ARMC12: variants seen among roughly 807,000 people sequenced by gnomAD.
The protein encoded by ARMC12 is armadillo repeat-containing protein 12.
ARMC12 carries 25 observed loss-of-function variants against 37.4 expected under a neutral mutation model. The ratio of observed to expected loss-of-function variants is 0.67; its 90% CI spans 0.49 to 0.93. The LOEUF (loss-of-function observed/expected upper bound fraction) is 0.93, where lower values mean the gene tolerates loss of function less well. Ranked by LOEUF, ARMC12 falls within the 40% of genes least tolerant of loss-of-function variation. The pLI is 0.00. For synonymous variants in ARMC12, 167 were observed against 176.1 expected (o/e 0.95, Z 0.41); for missense variants, 384 against 426.6 (o/e 0.90, Z 0.88).
At chr6:35,738,855 A>C (rs1344576375) in intron 3 of ARMC12, among the ~76,000 whole-genome samples, 3 of 152,124 alleles carry the variant, frequency 2.0e-5, no homozygotes, top group Admixed American at 6.5e-5. Context: ...GACACTATCC[A>C]TAGTTAGGGC....
Position 35,738,064 on chromosome 6 carries a change from A to T in ARMC12, c.201A>T (p.Ser67=). Residue 67 remains serine (S), a synonymous_variant, in exon 2 of 6, where the codon TCA becomes TCT. Coordinates refer to ENST00000373866, the MANE Select transcript of ARMC12 (RefSeq NM_001286574.2). ...AGCGAGAGCGGCACGGGCGGGACTC[A>T]GGTGAGCTCCGGAGGCTCCTCAACT... is the stretch of plus-strand genomic sequence containing the variant. ...AVERERHGRD[S]GELRRLLNSL... is the part of the protein sequence containing the mutation. 1 of 1,613,908 alleles carries T rather than the reference A, an allele frequency of 6.2e-7. No homozygotes were observed. The highest frequency in any genetic ancestry group is 8.5e-7 in the Non-Finnish European group (1 of 1,179,990).
Position 35,749,029 on chromosome 6 carries a change from C to A in ARMC12, c.*159C>A. The A allele has an allele frequency of 1.5e-6, 1 of 656,410 alleles. No individual in the cohort carries two copies. The highest frequency in any genetic ancestry group is 2.4e-6 in the Non-Finnish European group (1 of 412,390). 40.7% of individuals were successfully genotyped at this position (656,410 alleles called of 1,614,324 possible). A position where few individuals can be genotyped will look rare whatever the true frequency, so the allele number is the denominator to read the frequency against. On this transcript the variant is annotated 3_prime_UTR_variant, in exon 6 of 6. Transcript: ENST00000373866. The stretch of plus-strand genomic sequence containing the variant: ...CATGGGCTTATCTCTCAAAACACAT[C>A]CCCACTTCTATGTTTGGGGGACTAG...
chr6:35,733,604 G>A (rs1056068984), upstream of ARMC12, among the ~76,000 whole-genome samples: 2 of 152,176 alleles, frequency 1.3e-5, no homozygotes, highest in African/African-American at 4.8e-5. Context: ...CGCCTCCCGG[G>A]TTCAAGCAAT....
chr6:35,733,442 T>G (rs1766881806), upstream of ARMC12, among the ~76,000 whole-genome samples: 1 of 152,194 alleles, frequency 6.6e-6, no homozygotes, highest in Non-Finnish European at 1.5e-5. Context: ...GAAGTAAGTC[T>G]TATTGTTTCT....
At chr6:35,741,254 T>G (rs1471664339) in intron 3 of ARMC12, among the ~76,000 whole-genome samples, 1 of 152,112 alleles carries the variant, frequency 6.6e-6, no homozygotes, top group Non-Finnish European at 1.5e-5. Flanking sequence ...TCGTCTCCCT[T>G]GTGTGCCTGA....
intron 4 of ARMC12, 33 bp downstream of exon 4, chr6:35,747,467 G>C: frequency 6.2e-7 from 1 of 1,613,860 alleles, no homozygotes; most frequent in Non-Finnish European, 8.5e-7. Context: ...GCCCTGCCTT[G>C]CTGACCAGCC....
upstream of ARMC12, among the ~76,000 whole-genome samples, chr6:35,732,591 A>T (rs1395030211): frequency 6.6e-6 from 1 of 151,988 alleles, no homozygotes; most frequent in East Asian, 1.9e-4. Flanking sequence ...CTGCAGCGTC[A>T]CCCTCGGGAA....
At chr6:35,734,454 G>A (rs540905559), upstream of ARMC12, among the ~76,000 whole-genome samples, 6 of 152,270 alleles carry the variant, frequency 3.9e-5, no homozygotes, top group Admixed American at 1.3e-4. Flanking sequence ...GAGCTACCAC[G>A]CCTGACCTAA....
rs1241712136 is a variant in ARMC12 at position 35,747,090 on chromosome 6, T to C, written c.445-171T>C. On this transcript the variant is annotated intron_variant, in intron 3 of 5. Transcript: ENST00000373866. ...AAAAAAAAAAAGCCAAATAAAGAAT[T>C]TCAAGGCAGTGGGAGTGGGCAACTG... is the stretch of plus-strand genomic sequence containing the variant. 2.6e-5 allele frequency among the ~76,000 whole-genome samples: 3 copies of C among 116,272 alleles called. No individual in the cohort carries two copies. The East Asian group carries it at 7.3e-4, about 28-fold the overall frequency. The allele number at this position is 116,272 out of a possible 152,430, so 76.3% of individuals were successfully genotyped here.
intron 3 of ARMC12, 48 bp downstream of exon 3, chr6:35,738,566 T>TA (rs1561920238): frequency 6.3e-7 from 1 of 1,599,270 alleles, no homozygotes; most frequent in Non-Finnish European, 8.5e-7. Context: ...CTATAGTCCT[T>TA]AAGTCCTTTA....
At chr6:35,744,822 A>G (rs888705395) in intron 3 of ARMC12, among the ~76,000 whole-genome samples, 4 of 152,212 alleles carry the variant, frequency 2.6e-5, no homozygotes, top group Non-Finnish European at 1.5e-5. Context: ...ACATGAACAG[A>G]TATTTCACTG....
intron 3 of ARMC12, among the ~76,000 whole-genome samples, chr6:35,740,172 C>T (rs1370247024): frequency 6.6e-6 from 1 of 152,186 alleles, no homozygotes; most frequent in African/African-American, 2.4e-5. Context: ...AGGTTGGTGT[C>T]ATGGCCACGG....
In ARMC12 at chr6:35,737,108, C is replaced by T. The variant is rs575206080; in HGVS notation, c.-1C>T. 175 of 1,613,992 alleles carry T rather than the reference C, an allele frequency of 1.1e-4. 1 individual carries two copies. Among genetic ancestry groups the T allele is most frequent in the Non-Finnish European group, 1.4e-4 (162 of 1,180,006 alleles). ...CCTGGGCCCAGGGCAACACTGAAGA[C>T]ATGGGCAAGAGCATCCCCCAATACC... On this transcript the variant is annotated 5_prime_UTR_variant, in exon 1 of 6. Coordinates refer to ENST00000373866, the MANE Select transcript of ARMC12 (RefSeq NM_001286574.2).
rs1452953403 is a variant in ARMC12, at chr6:35,737,051, GC to G, written c.-52del. 3 of 1,598,518 alleles carry G rather than the reference GC, an allele frequency of 1.9e-6. No individual in the cohort carries two copies. Among genetic ancestry groups the G allele is most frequent in the Non-Finnish European group, 2.6e-6 (3 of 1,170,986 alleles). On this transcript the variant is annotated 5_prime_UTR_variant, in exon 1 of 6. Transcript: ENST00000373866. ...CCTGCCAGAGTTCTGGTTCCGGAAG[GC>G]CCCCCACAGGTGCCTTGGGCCTAGC...
chr6:35,746,558 G>A (rs959784438), intron 3 of ARMC12, among the ~76,000 whole-genome samples: 1 of 152,118 alleles, frequency 6.6e-6, no homozygotes, highest in Non-Finnish European at 1.5e-5. Context: ...ATGGAAGCAG[G>A]GAGACAGGAG....
At chr6:35,745,768 G>A (rs1018098576) in intron 3 of ARMC12, among the ~76,000 whole-genome samples, 4 of 152,134 alleles carry the variant, frequency 2.6e-5, no homozygotes, top group East Asian at 1.9e-4. Context: ...AATAAAGGCC[G>A]GGCGCGGAGG....
intron 3 of ARMC12, among the ~76,000 whole-genome samples, chr6:35,746,766 G>C (rs1581930694): frequency 6.6e-6 from 1 of 152,298 alleles, no homozygotes; most frequent in South Asian, 2.1e-4. Context: ...TGGAAGGAAA[G>C]TGTAACCCAT....
rs748309566 is a variant in ARMC12, at chr6:35,738,142, C to T, written c.279C>T (p.Ile93=). ...EYAKSMILHS[I]TRCVYLLEAE... ...CCAAGAGCATGATCCTGCACAGTATCACTCGCTGTGTGTACTTGCTGGAGG... is the reference window on the plus strand; with the variant it reads ...CCAAGAGCATGATCCTGCACAGTATTACTCGCTGTGTGTACTTGCTGGAGG... Residue 93 remains isoleucine, a synonymous_variant, in exon 2 of 6, where the codon ATC becomes ATT. Transcript: ENST00000373866. The T allele has an allele frequency of 1.7e-5, 28 of 1,613,632 alleles. No homozygotes were observed. In the Middle Eastern group the frequency reaches 4.9e-4, roughly 28 times the overall value.
At position 35,747,631 on chromosome 6, in the gene ARMC12, A is replaced by T. The variant is rs767984487; in HGVS notation, c.674A>T (p.Asp225Val). 6.2e-7 allele frequency: 1 copy of T among 1,613,976 alleles called. No homozygotes were observed. The highest frequency in any genetic ancestry group is 1.3e-5 in the African/African-American group (1 of 74,932). ...GCACAGAAGAATGACCTTCTCTATG[A>T]CATTCTCAACTGCCAGGTGAGAAAG... is the stretch of plus-strand genomic sequence containing the variant. ...YLAQKNDLLY[D>V]ILNCQVHSNF... Residue 225 changes from aspartate to valine, a missense_variant, in exon 5 of 6, where the codon GAC becomes GTC. By Grantham distance (152) the Asp-to-Val change is radical. Coordinates refer to ENST00000373866, the MANE Select transcript of ARMC12 (RefSeq NM_001286574.2).
Sources: gnomAD v4.1 joint callset for allele counts (sites outside exome capture counted in the v4.1 genomes callset) on GRCh38, gnomAD v4.1.1 for gene constraint, MANE v1.5 for transcripts, NCBI Gene and HGNC (gene_info 2026-07-23, HGNC 2026-07-21) for gene names.